SH3BP2: variants seen among roughly 807,000 people sequenced by gnomAD.
SH3BP2 encodes SH3 domain-binding protein 2.
A neutral mutation model predicts 56.2 loss-of-function variants in SH3BP2; 38 were observed. The ratio of observed to expected loss-of-function variants is 0.68; its 90% confidence interval spans 0.52 to 0.89. The LOEUF is 0.89. Ranked by LOEUF, SH3BP2 falls within the 40% of genes least tolerant of loss-of-function variation. The pLI, the probability that SH3BP2 is intolerant of heterozygous loss-of-function variation, is 0.00. For synonymous variants in SH3BP2, 346 were observed against 316.7 expected, an observed-to-expected ratio of 1.09 and a Z score of -0.98; for missense variants, 748 against 762.6, an observed-to-expected ratio of 0.98 and a Z score of 0.23.
chr4:2,820,580 T>C lies in SH3BP2; in HGVS notation c.-4-34T>C, dbSNP rs56323343. The stretch of plus-strand genomic sequence containing the variant: ...GGCTCAGCCATCTCCTGCCTGACCG[T>C]AGCTGAGCCACGTGCCTTTGTCCTT... On this transcript the variant is annotated intron_variant, in intron 1 of 12. Transcript: ENST00000503393. The C allele has an allele frequency of 0.1, 161,507 of 1,613,698 alleles. 8,851 individuals are homozygous for C. Among genetic ancestry groups the C allele is most frequent in the Middle Eastern group, 0.13 (795 of 6,056 alleles).
Position 2,829,884 on chromosome 4 carries a change from C to T in SH3BP2, c.978C>T (p.Ala326=), listed in dbSNP as rs768602052. ...STSSAAIMAT[A]TSRNCDKLKS... ...CCAGTGCTGCCATCATGGCCACTGC[C>T]ACCTCCAGAAACTGTGACAAACTCA... Residue 326 remains alanine (A), a synonymous_variant, in exon 8 of 13, where the codon GCC becomes GCT. Transcript: ENST00000503393. The surrounding 1 kb of genome is among the most constrained non-coding windows in gnomAD (Gnocchi z 4.9). 1.1e-5 allele frequency: 18 copies of T among 1,613,836 alleles called. No individual in the cohort carries two copies. In the Admixed American group the frequency reaches 1.7e-4, roughly 15 times the overall value.
At chr4:2,814,235 A>G (rs555631639) in intron 1 of SH3BP2, among the ~76,000 whole-genome samples, 16 of 152,244 alleles carry the variant, frequency 1.1e-4, no homozygotes, top group Non-Finnish European at 2.1e-4. Flanking sequence ...GAGGGCCTGC[A>G]CAGGCCATGA....
chr4:2,833,530 C>T, intron 12 of SH3BP2, 167 bp from the exon 13 acceptor site: 1 of 774,512 alleles, frequency 1.3e-6, no homozygotes, highest in Admixed American at 2.1e-5. Context: ...ACATGGAGAG[C>T]ACAGGCCTGA....
chr4:2,826,088 C>T (rs1014613796), intron 5 of SH3BP2, among the ~76,000 whole-genome samples: 7 of 152,262 alleles, frequency 4.6e-5, no homozygotes, highest in South Asian at 4.1e-4. Flanking sequence ...AGCCCAGAGT[C>T]GCCCAAGCCC....
chr4:2,811,298 C>T lies in SH3BP2; in HGVS notation c.-4-9316C>T, dbSNP rs956047675. On this transcript the variant is annotated intron_variant, in intron 1 of 12. Transcript: ENST00000503393. ...TGTTGGGAGGCTGATTTCGGGGGGCCGTGCCCTAGGAAGCCTGGCGGGCAA... is the reference window on the plus strand; with the variant it reads ...TGTTGGGAGGCTGATTTCGGGGGGCTGTGCCCTAGGAAGCCTGGCGGGCAA... Among the ~76,000 whole-genome samples, 6 of 152,188 alleles carry T rather than the reference C, an allele frequency of 3.9e-5. No individual in the cohort carries two copies. The East Asian group carries it at 5.8e-4, about 15-fold the overall frequency.
At chr4:2,794,854 A>C (rs1723010540) in intron 1 of SH3BP2, among the ~76,000 whole-genome samples, 1 of 152,176 alleles carries the variant, frequency 6.6e-6, no homozygotes, top group Non-Finnish European at 1.5e-5. Context: ...ATGCACGCAC[A>C]CAAGCAGGCC....
At chr4:2,833,572 GC>G in intron 12 of SH3BP2, 124 bp from the exon 13 acceptor site, 1 of 1,314,802 alleles carries the variant, frequency 7.6e-7, no homozygotes, top group South Asian at 1.3e-5. Context: ...ACCACCGACA[GC>G]CAGGGGCCAG....
intron 2 of SH3BP2, 148 bp downstream of exon 2, chr4:2,820,901 G>C: frequency 1.0e-6 from 1 of 964,294 alleles, no homozygotes; most frequent in Non-Finnish European, 1.5e-6. Context: ...GGCACCCCTG[G>C]AGAAGCAGAG....
At chr4:2,802,611 T>C (rs1250725165) in intron 1 of SH3BP2, among the ~76,000 whole-genome samples, 3 of 148,186 alleles carry the variant, frequency 2.0e-5, no homozygotes, top group Admixed American at 1.4e-4. Flanking sequence ...TGTGTATATA[T>C]GTGTATATAT....
At chr4:2,833,269 T>A (rs113162697) in intron 12 of SH3BP2, 1 of 627,504 alleles carries the variant, frequency 1.6e-6, no homozygotes, top group African/African-American at 1.8e-5. Flanking sequence ...CTAGTGGGGA[T>A]GGGCGGTCAG....
chr4:2,829,706 G>GCCC lies in SH3BP2; in HGVS notation c.802_804dup (p.Pro268dup). On this transcript the variant is annotated inframe_insertion, in exon 8 of 13. Coordinates refer to ENST00000503393, the MANE Select transcript of SH3BP2 (RefSeq NM_001122681.2). The surrounding 1 kb of genome is among the most constrained non-coding windows in gnomAD (Gnocchi z 4.9). ...CTGTGCCCGAGGCGGGCTGAGCCTT[G>GCCC]CCCCAGGGTACCTGCTACCCCCCGA... 6.2e-7 allele frequency: 1 copy of GCCC among 1,612,816 alleles called. No homozygotes were observed. The highest frequency in any genetic ancestry group is 8.5e-7 in the Non-Finnish European group (1 of 1,179,824).
At chr4:2,801,862 C>A (rs551948534) in intron 1 of SH3BP2, among the ~76,000 whole-genome samples, 1 of 152,346 alleles carries the variant, frequency 6.6e-6, no homozygotes, top group African/African-American at 2.4e-5. Context: ...AATCCCAGCA[C>A]TTTGGGAGGC....
chr4:2,816,252 G>A (rs151103356), intron 1 of SH3BP2, among the ~76,000 whole-genome samples: 15 of 152,052 alleles, frequency 9.9e-5, no homozygotes, highest in Non-Finnish European at 1.5e-4. Context: ...TGTTGGCCAC[G>A]CTGGTCTCGA....
At chr4:2,805,344 G>A (rs1295403973) in intron 1 of SH3BP2, among the ~76,000 whole-genome samples, 2 of 152,196 alleles carry the variant, frequency 1.3e-5, no homozygotes, top group African/African-American at 2.4e-5. Flanking sequence ...CCCAGGCTGC[G>A]CTTGGTGGGT....
chr4:2,808,599 A>G (rs1723627955), intron 1 of SH3BP2, among the ~76,000 whole-genome samples: 2 of 152,068 alleles, frequency 1.3e-5, no homozygotes, highest in Admixed American at 6.5e-5. Flanking sequence ...TGGGACAGCA[A>G]TCAGAATGGG....
In SH3BP2 at chr4:2,831,846, G is replaced by A. The variant is rs768957532; in HGVS notation, c.1351-77G>A. 40 of 1,520,458 alleles carry A rather than the reference G, an allele frequency of 2.6e-5. No individual in the cohort carries two copies. The highest frequency in any genetic ancestry group is 1.8e-4 in the East Asian group (8 of 43,690). The allele number at this position is 1,520,458 out of a possible 1,614,324, so 94.2% of individuals were successfully genotyped here. On this transcript the variant is annotated intron_variant, in intron 9 of 12. Transcript: ENST00000503393. This position sits in a 1 kb window ranked among gnomAD's most constrained non-coding sequence, Gnocchi z 4.1. ...ATGTAAAGCCCCGGATCCCGGCACC[G>A]GGTGGCCACCGTCCGGGGAGTGGTG...
chr4:2,838,634 GT>G lies in SH3BP2; in HGVS notation c.*4803del, dbSNP rs926471690. ...TTCTTAAAACATTATAAAGATTTTTGTTTGCGATTTTTTTTTTTAGCTCATC... is the reference window on the plus strand; with the variant it reads ...TTCTTAAAACATTATAAAGATTTTTGTTGCGATTTTTTTTTTTAGCTCATC... On this transcript the variant is annotated 3_prime_UTR_variant, in exon 13 of 13. Transcript: ENST00000503393. 4.2e-5 allele frequency: 5 copies of G among 119,952 alleles called. No homozygotes were observed. Among genetic ancestry groups the G allele is most frequent in the African/African-American group, 1.6e-4 (5 of 32,048 alleles). The allele number at this position is 119,952 out of a possible 1,614,324, so 7.4% of individuals were successfully genotyped here.
At chr4:2,832,308 C>A in intron 10 of SH3BP2, 23 bp from the exon 11 acceptor site, 1 of 1,601,232 alleles carries the variant, frequency 6.2e-7, no homozygotes, top group Non-Finnish European at 8.6e-7. Flanking sequence ...GACTCACCCG[C>A]TAATATGACT....
At position 2,829,651 on chromosome 4, in the gene SH3BP2, C is replaced by A; in HGVS notation, c.745C>A (p.Leu249Met). ...TAAGCACGGCCTCCCAGATGTTGGC[C>A]TGGCTGCTGAGGACTCCAAGAGGGA... ...PPKHGLPDVG[L>M]AAEDSKRDPL... Residue 249 changes from leucine (L) to methionine (M), a missense_variant, in exon 8 of 13, where the codon CTG (leucine) becomes ATG (methionine). By Grantham distance (15) the Leu-to-Met change is conservative. This residue lies in a region of SH3BP2 where 635 missense variants were observed against 615.0 expected (regional missense o/e 1.03). Coordinates refer to ENST00000503393, the MANE Select transcript of SH3BP2 (RefSeq NM_001122681.2). The surrounding 1 kb of genome is among the most constrained non-coding windows in gnomAD (Gnocchi z 4.9). 1 of 1,613,244 alleles carries A rather than the reference C, an allele frequency of 6.2e-7. No homozygotes were observed. The highest frequency in any genetic ancestry group is 8.5e-7 in the Non-Finnish European group (1 of 1,179,862).
Sources: gnomAD v4.1 joint callset for allele counts (sites outside exome capture counted in the v4.1 genomes callset) on GRCh38, gnomAD v4.1.1 for gene constraint, gnomAD v4.1.1 regional missense constraint, Gnocchi (gnomAD v3.1) non-coding constraint, MANE v1.5 for transcripts, NCBI Gene and HGNC (gene_info 2026-07-23, HGNC 2026-07-21) for gene names.